IGFBP5: variants seen among roughly 807,000 people sequenced by gnomAD.
IGFBP5 encodes insulin like growth factor binding protein 5.
In IGFBP5, 12 loss-of-function variants were observed where a neutral mutation model predicts 28.0. The ratio of observed to expected loss-of-function variants is 0.43; its 90% confidence interval spans 0.27 to 0.69. The LOEUF (loss-of-function observed/expected upper bound fraction) is 0.69, where lower values mean the gene tolerates loss of function less well. Ranked by LOEUF, IGFBP5 falls within the 30% of genes least tolerant of loss-of-function variation. The pLI is 0.20. For missense variants in IGFBP5, 344 were observed against 381.6 expected, an observed-to-expected ratio of 0.90 and a Z score of 0.82; for synonymous variants, 152 against 150.2, an observed-to-expected ratio of 1.01 and a Z score of -0.09.
chr2:216,695,240 C>G lies in IGFBP5; in HGVS notation c.-465G>C, dbSNP rs958781075. The G allele has an allele frequency of 6.5e-6, 1 of 153,158 alleles. No homozygotes were observed. The highest frequency in any genetic ancestry group is 2.4e-5 in the African/African-American group (1 of 41,586). The allele number at this position is 153,158 out of a possible 1,614,324, so 9.5% of individuals were successfully genotyped here. A position where few individuals can be genotyped will look rare whatever the true frequency, so the allele number is the denominator to read the frequency against. On this transcript the variant is annotated 5_prime_UTR_variant, in exon 1 of 4. Transcript: ENST00000233813. ...CTAAAATACACCCCGCTTTCTAACC[C>G]TCAGCTGCCAGCGGTGCGCGGCGCC...
Position 216,684,098 on chromosome 2 carries a change from A to G in IGFBP5, c.338-5019T>C, listed in dbSNP as rs925944668. 4.6e-5 allele frequency among the ~76,000 whole-genome samples: 7 copies of G among 152,258 alleles called. 1 individual carries two copies. Among genetic ancestry groups the G allele is most frequent in the Admixed American group, 3.9e-4 (6 of 15,290 alleles). ...GTCATGATGCAAGCCCAGCTGCTAC[A>G]GACCCAGAGGCATCTTAGGGTGAGA... On this transcript the variant is annotated intron_variant, in intron 1 of 3. Transcript: ENST00000233813.
In IGFBP5 at chr2:216,676,741, G is replaced by C; in HGVS notation, c.*10C>G. 2 of 1,607,356 alleles carry C rather than the reference G, an allele frequency of 1.2e-6. No homozygotes were observed. The highest frequency in any genetic ancestry group is 1.7e-6 in the Non-Finnish European group (2 of 1,175,934). ...GGGAGGGGGTGAGGGAAAGGTTGGG[G>C]GGGGACGCATCACTCAACGTTGCTG... On this transcript the variant is annotated 3_prime_UTR_variant, in exon 4 of 4. Transcript: ENST00000233813.
chr2:216,691,836 CGTGTGTGT>C (rs56040272), intron 1 of IGFBP5, among the ~76,000 whole-genome samples: 2,217 of 121,192 alleles, frequency 0.018, 24 homozygotes, highest in South Asian at 0.039. Context: ...TATAATATGT[CGTGTGTGT>C]GTGTGTGTGT....
At chr2:216,681,829 C>T (rs533873882) in intron 1 of IGFBP5, among the ~76,000 whole-genome samples, 3 of 152,158 alleles carry the variant, frequency 2.0e-5, no homozygotes, top group African/African-American at 7.2e-5. Context: ...CCTTTTGGGA[C>T]TTTTTCTAAG....
At chr2:216,687,872 C>T (rs961154705) in intron 1 of IGFBP5, among the ~76,000 whole-genome samples, 3 of 152,162 alleles carry the variant, frequency 2.0e-5, no homozygotes, top group Admixed American at 6.5e-5. Flanking sequence ...GTAGGGTTTA[C>T]GCTTCTCTCC....
rs760377695 is a variant in IGFBP5, at chr2:216,679,511, C to G, written c.338-432G>C. Among the ~76,000 whole-genome samples, 1 of 152,022 alleles carries G rather than the reference C, an allele frequency of 6.6e-6. No homozygotes were observed. Among genetic ancestry groups the G allele is most frequent in the Non-Finnish European group, 1.5e-5 (1 of 68,016 alleles). Reference sequence around the variant, plus strand: ...GGAGGTGGGGCTGAGAAGTAGGAACCCGGGAATCTGGGCCCATGGAGGCAG... The same window carrying G: ...GGAGGTGGGGCTGAGAAGTAGGAACGCGGGAATCTGGGCCCATGGAGGCAG... On this transcript the variant is annotated intron_variant, in intron 1 of 3. Transcript: ENST00000233813. This position sits in a 1 kb window ranked among gnomAD's most constrained non-coding sequence, Gnocchi z 4.6.
chr2:216,682,772 G>A (rs1688991029), intron 1 of IGFBP5, among the ~76,000 whole-genome samples: 1 of 151,736 alleles, frequency 6.6e-6, no homozygotes, highest in Non-Finnish European at 1.5e-5. Flanking sequence ...GCAGTGGCGC[G>A]ATCTCGGCTC....
chr2:216,677,013 T>G, intron 3 of IGFBP5, 131 bp from the exon 4 acceptor site: 1 of 968,396 alleles, frequency 1.0e-6, no homozygotes, highest in East Asian at 2.8e-5. Context: ...GACCCGACCC[T>G]TGGGTTTCTG....
chr2:216,680,454 G>C (rs184343658), intron 1 of IGFBP5, among the ~76,000 whole-genome samples: 1 of 152,144 alleles, frequency 6.6e-6, no homozygotes, highest in Non-Finnish European at 1.5e-5. Flanking sequence ...TATGCCTCTG[G>C]GCAGGTATAG....
chr2:216,675,170 G>A lies in IGFBP5; in HGVS notation c.*1581C>T, dbSNP rs1559185129. On this transcript the variant is annotated 3_prime_UTR_variant, in exon 4 of 4. Transcript: ENST00000233813. Reference sequence around the variant, plus strand: ...CAGCCCCCTCTCCCTTCAGCCCTCTGTTCCTCCCCACATCGACTCTGGCCG... The same window carrying A: ...CAGCCCCCTCTCCCTTCAGCCCTCTATTCCTCCCCACATCGACTCTGGCCG... 1 of 152,218 alleles carries A rather than the reference G, an allele frequency of 6.6e-6. No individual in the cohort carries two copies. The highest frequency in any genetic ancestry group is 2.4e-5 in the African/African-American group (1 of 41,388). 9.4% of individuals were successfully genotyped at this position (152,218 alleles called of 1,614,324 possible). A position where few individuals can be genotyped will look rare whatever the true frequency, so the allele number is the denominator to read the frequency against.
In IGFBP5 at chr2:216,676,864, G is replaced by A. The variant is rs770419792; in HGVS notation, c.706C>T (p.Arg236Cys). 4.3e-6 allele frequency: 7 copies of A among 1,614,012 alleles called. No individual in the cohort carries two copies. The highest frequency in any genetic ancestry group is 1.3e-5 in the African/African-American group (1 of 75,012). Reference protein sequence around the residue: ...KRKQCKPSRGRKRGICWCVDK... With the variant: ...KRKQCKPSRGCKRGICWCVDK... The stretch of plus-strand genomic sequence containing the variant: ...ACGCACCAGCAGATGCCACGTTTGC[G>A]GCCACGGGAAGGTTTGCACTGGGGT... The change falls in exon 4 of 4, where the codon CGC becomes TGC. Residue 236 changes from arginine to cysteine, a missense_variant. Arg to Cys is a radical substitution (Grantham distance 180). Coordinates refer to ENST00000233813, the MANE Select transcript of IGFBP5 (RefSeq NM_000599.4).
intron 3 of IGFBP5, among the ~76,000 whole-genome samples, chr2:216,677,170 C>T (rs1688910719): frequency 6.6e-6 from 1 of 151,898 alleles, no homozygotes; most frequent in African/African-American, 2.4e-5. Context: ...AACTCCTGAG[C>T]CCAAGTGATC....
In IGFBP5 at chr2:216,678,992, G is replaced by T; in HGVS notation, c.425C>A (p.Thr142Asn). The change falls in exon 2 of 4, where the codon ACC becomes AAC. Residue 142 changes from threonine (T) to asparagine (N), a missense_variant. Coordinates refer to ENST00000233813, the MANE Select transcript of IGFBP5 (RefSeq NM_000599.4). ...TTCAGCCTTCAGCTCGGAGATGCGG[G>T]TGTGTTTGGGCCGGAAGATCTTGGG... ...YSPKIFRPKH[T>N]RISELKAEAV... 1 of 1,614,150 alleles carries T rather than the reference G, an allele frequency of 6.2e-7. No homozygotes were observed. Among genetic ancestry groups the T allele is most frequent in the Non-Finnish European group, 8.5e-7 (1 of 1,180,032 alleles).
intron 1 of IGFBP5, among the ~76,000 whole-genome samples, chr2:216,693,033 T>A (rs1689119384): frequency 6.6e-6 from 1 of 152,166 alleles, no homozygotes; most frequent in African/African-American, 2.4e-5. Flanking sequence ...GTAACTAAAC[T>A]GTCTCCGTAA....
intron 3 of IGFBP5, among the ~76,000 whole-genome samples, chr2:216,677,281 G>A (rs771493453): frequency 6.6e-6 from 1 of 152,048 alleles, no homozygotes; most frequent in Non-Finnish European, 1.5e-5. Context: ...TTCCCCCAAC[G>A]TGAAACTCTG....
In IGFBP5 at chr2:216,694,391, C is replaced by T. The variant is rs543408790; in HGVS notation, c.337+48G>A. On this transcript the variant is annotated intron_variant, in intron 1 of 3. Coordinates refer to ENST00000233813, the MANE Select transcript of IGFBP5 (RefSeq NM_000599.4). This position sits in a 1 kb window ranked among gnomAD's most constrained non-coding sequence, Gnocchi z 5.2. ...CGCGCGGGCCCAGCCGGTCTCGTGT[C>T]CCCCGCCCGTGCGCCGCGTAACTGA... is the stretch of plus-strand genomic sequence containing the variant. 86 of 1,423,478 alleles carry T rather than the reference C, an allele frequency of 6.0e-5. 2 individuals carry two copies. The highest frequency in any genetic ancestry group is 2.6e-4 in the South Asian group (18 of 68,940). The allele number at this position is 1,423,478 out of a possible 1,614,324, so 88.2% of individuals were successfully genotyped here. A position where few individuals can be genotyped will look rare whatever the true frequency, so the allele number is the denominator to read the frequency against.
Position 216,694,298 on chromosome 2 carries a change from G to A in IGFBP5, c.337+141C>T, listed in dbSNP as rs886499937. 10 of 643,726 alleles carry A rather than the reference G, an allele frequency of 1.6e-5. No homozygotes were observed. The highest frequency in any genetic ancestry group is 2.5e-5 in the Non-Finnish European group (10 of 396,978). 39.9% of individuals were successfully genotyped at this position (643,726 alleles called of 1,614,324 possible). A position where few individuals can be genotyped will look rare whatever the true frequency, so the allele number is the denominator to read the frequency against. On this transcript the variant is annotated intron_variant, in intron 1 of 3. Transcript: ENST00000233813. This position sits in a 1 kb window ranked among gnomAD's most constrained non-coding sequence, Gnocchi z 5.2. ...CAGGATCCTCCAGGGCTCCAATTCCGGGGTGCAAGGACCCTCCCCGACTAC... is the reference window on the plus strand; with the variant it reads ...CAGGATCCTCCAGGGCTCCAATTCCAGGGTGCAAGGACCCTCCCCGACTAC...
intron 1 of IGFBP5, among the ~76,000 whole-genome samples, chr2:216,685,272 A>C (rs1347825560): frequency 1.6e-5 from 2 of 123,670 alleles, no homozygotes; most frequent in Non-Finnish European, 3.2e-5. Flanking sequence ...TAGTGTGACA[A>C]AAAAAAAAAA....
chr2:216,687,413 G>T (rs776091060), intron 1 of IGFBP5, among the ~76,000 whole-genome samples: 1 of 152,184 alleles, frequency 6.6e-6, no homozygotes, highest in Admixed American at 6.5e-5. Context: ...AGAGTAAGGG[G>T]CTGAGGTCCC....
Sources: allele counts gnomAD v4.1 joint callset (sites outside exome capture counted in the v4.1 genomes callset), GRCh38; gene constraint gnomAD v4.1.1; non-coding constraint Gnocchi (gnomAD v3.1); transcripts MANE v1.5; gene names NCBI Gene and HGNC (gene_info 2026-07-23, HGNC 2026-07-21).